The following FUT8 variants were observed in gnomAD, a reference collection of about 807,000 sequenced individuals.
FUT8 encodes alpha-(1,6)-fucosyltransferase.
A neutral mutation model predicts 71.3 loss-of-function variants in FUT8; 29 were observed. The observed-to-expected ratio is 0.41, with a 90% confidence interval of 0.30 to 0.55. The LOEUF is 0.55. Among genes scored for constraint, FUT8 ranks in the 20% least tolerant of loss-of-function variants. The probability of loss-of-function intolerance (pLI) is 0.34; values close to 1 mark genes in which losing one functional copy is unlikely to be tolerated. For synonymous variants in FUT8, 254 were observed against 239.3 expected (o/e 1.06, Z -0.57); for missense variants, 544 against 702.1 (o/e 0.77, Z 2.55).
In FUT8 at chr14:65,439,954, G is replaced by GTACATA. The variant is rs1378430231; in HGVS notation, c.-325-15665_-325-15664insCATATA. ...ATAAAGAAAATGTGTGTGTGTGTGT[G>GTACATA]TATATATATATATATATATATATAT... On this transcript the variant is annotated intron_variant, in intron 1 of 10. Coordinates refer to ENST00000673929, the MANE Select transcript of FUT8 (RefSeq NM_001371533.1). Among the ~76,000 whole-genome samples the GTACATA allele has an allele frequency of 1.1e-3, 83 of 74,972 alleles. 5 individuals carry two copies. The East Asian group carries it at 0.012, about 10-fold the overall frequency. The allele number at this position is 74,972 out of a possible 152,430, so 49.2% of individuals were successfully genotyped here.
At chr14:65,595,710 G>T (rs1656198920) in intron 3 of FUT8, among the ~76,000 whole-genome samples, 1 of 143,014 alleles carries the variant, frequency 7.0e-6, no homozygotes, top group African/African-American at 2.6e-5. Flanking sequence ...CCGGGTTCAT[G>T]CTGTTCTCCT....
At chr14:65,653,021 G>C (rs1469003213) in intron 6 of FUT8, among the ~76,000 whole-genome samples, 4 of 152,200 alleles carry the variant, frequency 2.6e-5, no homozygotes, top group Non-Finnish European at 5.9e-5. Context: ...AAGAGGCAGA[G>C]ATAGATGGAG....
chr14:65,620,283 A>C (rs1006326777), intron 5 of FUT8, among the ~76,000 whole-genome samples: 12 of 152,170 alleles, frequency 7.9e-5, no homozygotes, highest in Admixed American at 5.2e-4. Flanking sequence ...ATTGAAAAAC[A>C]ATCTGTTAAA....
At chr14:65,394,051 G>C in the FUT8 span, among the ~76,000 whole-genome samples, 1 of 152,236 alleles carries the variant, frequency 6.6e-6, no homozygotes, top group South Asian at 2.1e-4. Flanking sequence ...CCACCTCCTG[G>C]GTTCAAGTGA....
intron 1 of FUT8, among the ~76,000 whole-genome samples, chr14:65,422,463 A>G (rs1218404532): frequency 6.6e-6 from 1 of 151,994 alleles, no homozygotes; most frequent in African/African-American, 2.4e-5. Flanking sequence ...TTTTGTCTAT[A>G]TTAAAAACTT....
intron 2 of FUT8, among the ~76,000 whole-genome samples, chr14:65,462,009 A>G (rs1039201446): frequency 6.6e-6 from 1 of 152,180 alleles, no homozygotes; most frequent in Non-Finnish European, 1.5e-5. Flanking sequence ...CTGTGGGACT[A>G]TTGGGTTTGT....
the FUT8 span, among the ~76,000 whole-genome samples, chr14:65,371,216 C>T: frequency 1.3e-5 from 2 of 152,224 alleles, no homozygotes; most frequent in African/African-American, 4.8e-5. Context: ...CCCTGCAAAA[C>T]GATCACACTT....
chr14:65,490,510 A>G (rs1023242174), intron 2 of FUT8, among the ~76,000 whole-genome samples: 2 of 152,142 alleles, frequency 1.3e-5, no homozygotes, highest in African/African-American at 4.8e-5. Context: ...CATTATTACA[A>G]GTTGACTGGA....
intron 1 of FUT8, among the ~76,000 whole-genome samples, chr14:65,421,739 A>ATC (rs1555359422): frequency 3.8e-5 from 2 of 51,968 alleles, no homozygotes; most frequent in East Asian, 8.5e-4. Flanking sequence ...CCTTTAACCC[A>ATC]CCCCCCCCTT....
At chr14:65,453,802 T>C (rs1487918703) in intron 1 of FUT8, among the ~76,000 whole-genome samples, 2 of 152,208 alleles carry the variant, frequency 1.3e-5, no homozygotes. Context: ...GACCCCAATG[T>C]ACATATCTGT....
intron 7 of FUT8, among the ~76,000 whole-genome samples, chr14:65,707,173 T>C (rs987366760): frequency 3.3e-5 from 5 of 152,214 alleles, no homozygotes; most frequent in African/African-American, 1.2e-4. Context: ...CCACCACTTA[T>C]TATTGTCTTT....
chr14:65,390,341 C>T, the FUT8 span, among the ~76,000 whole-genome samples: 1 of 145,846 alleles, frequency 6.9e-6, no homozygotes, highest in South Asian at 2.2e-4. Flanking sequence ...AAAAAAAATA[C>T]ATGCTTGTAA....
In FUT8 at chr14:65,611,206, C is replaced by T. The variant is rs957154954; in HGVS notation, c.204-4772C>T. 1.8e-3 allele frequency among the ~76,000 whole-genome samples: 3 copies of T among 1,698 alleles called. 1 individual carries two copies. In the South Asian group the frequency reaches 0.14, roughly 77 times the overall value. 1.1% of individuals were successfully genotyped at this position (1,698 alleles called of 152,430 possible). A position where few individuals can be genotyped will look rare whatever the true frequency, so the allele number is the denominator to read the frequency against. On this transcript the variant is annotated intron_variant, in intron 3 of 10. Transcript: ENST00000673929. The stretch of plus-strand genomic sequence containing the variant: ...TCATACACACACACACACGCGCGCG[C>T]GCGCGCGCGCGCGCGCGCACACACA...
At chr14:65,465,551 G>A (rs1456085436) in intron 2 of FUT8, among the ~76,000 whole-genome samples, 1 of 152,034 alleles carries the variant, frequency 6.6e-6, no homozygotes, top group Non-Finnish European at 1.5e-5. Flanking sequence ...TTTGATCTAC[G>A]AGTTATTTGT....
chr14:65,615,322 G>T (rs571081741), intron 3 of FUT8, among the ~76,000 whole-genome samples: 70 of 152,176 alleles, frequency 4.6e-4, no homozygotes, highest in Non-Finnish European at 8.1e-4. Flanking sequence ...GCCCAGGCTG[G>T]CCATGAACTC....
intron 3 of FUT8, among the ~76,000 whole-genome samples, chr14:65,580,136 A>G (rs1887004446): frequency 6.7e-6 from 1 of 149,496 alleles, no homozygotes; most frequent in Non-Finnish European, 1.5e-5. Flanking sequence ...GAAATACGTC[A>G]TTAGGTGATT....
chr14:65,688,016 C>T (rs1893382647), intron 7 of FUT8, among the ~76,000 whole-genome samples: 1 of 152,184 alleles, frequency 6.6e-6, no homozygotes, highest in South Asian at 2.1e-4. Context: ...AGGCATGAGC[C>T]ACCATGCCTA....
At chr14:65,661,105 A>G (rs888172171) in intron 6 of FUT8, among the ~76,000 whole-genome samples, 1 of 152,198 alleles carries the variant, frequency 6.6e-6, no homozygotes, top group African/African-American at 2.4e-5. Flanking sequence ...TTCACTGGAA[A>G]TAGGAGCTAT....
intron 2 of FUT8, among the ~76,000 whole-genome samples, chr14:65,464,202 C>G (rs1208692222): frequency 6.8e-6 from 1 of 146,924 alleles, no homozygotes; most frequent in African/African-American, 2.5e-5. Flanking sequence ...CCCCTTTTAT[C>G]TTACAATCTG....
Sources: gnomAD v4.1 joint callset for allele counts (sites outside exome capture counted in the v4.1 genomes callset) on GRCh38, gnomAD v4.1.1 for gene constraint, MANE v1.5 for transcripts, NCBI Gene and HGNC (gene_info 2026-07-23, HGNC 2026-07-21) for gene names.